Variants in GRM5 observed in about 807,000 individuals in gnomAD.
GRM5 encodes the protein metabotropic glutamate receptor 5.
Under a neutral mutation model 83.1 loss-of-function variants are expected in GRM5, and 19 were observed. That is an observed-to-expected ratio of 0.23 (90% CI 0.16 to 0.34). GRM5 has a LOEUF of 0.34. Among genes scored for constraint, GRM5 ranks in the 10% least tolerant of loss-of-function variants. GRM5 has a pLI of 1.00. For synonymous variants in GRM5, 675 were observed against 633.6 expected, an observed-to-expected ratio of 1.07 and a Z score of -0.98; for missense variants, 1,160 against 1,588.3, an observed-to-expected ratio of 0.73 and a Z score of 4.58.
At chr11:88,848,205 C>T (rs959233846) in intron 3 of GRM5, among the ~76,000 whole-genome samples, 1 of 152,148 alleles carries the variant, frequency 6.6e-6, no homozygotes, top group Non-Finnish European at 1.5e-5. Context: ...TACATCATTC[C>T]TGCCAACTAG....
chr11:88,900,521 C>A (rs970022396), intron 2 of GRM5, among the ~76,000 whole-genome samples: 5 of 152,034 alleles, frequency 3.3e-5, no homozygotes, highest in African/African-American at 1.2e-4. Flanking sequence ...TACCTAAAAG[C>A]ATGTTGGTTA....
chr11:88,874,711 A>G (rs952339656), intron 2 of GRM5, among the ~76,000 whole-genome samples: 31 of 152,044 alleles, frequency 2.0e-4, no homozygotes, highest in Admixed American at 1.9e-3. Flanking sequence ...GGTTAATATT[A>G]AGAATATATA....
At chr11:88,656,531 C>T (rs1364920111) in intron 3 of GRM5, among the ~76,000 whole-genome samples, 1 of 152,082 alleles carries the variant, frequency 6.6e-6, no homozygotes, top group Non-Finnish European at 1.5e-5. Flanking sequence ...AAAGGTGACT[C>T]TGCTTTCTTG....
intron 2 of GRM5, among the ~76,000 whole-genome samples, chr11:88,960,565 A>G (rs1405044805): frequency 6.6e-6 from 1 of 152,232 alleles, no homozygotes; most frequent in Non-Finnish European, 1.5e-5. Flanking sequence ...TAAAAGAATC[A>G]CATTAGATAG....
intron 4 of GRM5, among the ~76,000 whole-genome samples, chr11:88,626,066 T>A (rs1405454252): frequency 6.6e-6 from 1 of 152,266 alleles, no homozygotes; most frequent in East Asian, 1.9e-4. Flanking sequence ...TTCACAGACA[T>A]ACTTCTTGGC....
chr11:88,572,218 C>CA (rs1664823322), intron 7 of GRM5, among the ~76,000 whole-genome samples: 1 of 152,068 alleles, frequency 6.6e-6, no homozygotes, highest in Non-Finnish European at 1.5e-5. Context: ...AAATAAGAGA[C>CA]ATGGAAATAA....
At chr11:88,762,369 AC>A (rs1385547171) in intron 3 of GRM5, among the ~76,000 whole-genome samples, 1 of 151,990 alleles carries the variant, frequency 6.6e-6, no homozygotes, top group African/African-American at 2.4e-5. Flanking sequence ...TAAAATGTGG[AC>A]AAAGTACATG....
chr11:88,997,153 C>A (rs1462903136), intron 2 of GRM5, among the ~76,000 whole-genome samples: 1 of 151,504 alleles, frequency 6.6e-6, no homozygotes, highest in East Asian at 1.9e-4. Flanking sequence ...GGAGAAACCC[C>A]AGCTCTACTA....
chr11:88,578,703 T>G (rs555077968), intron 7 of GRM5, among the ~76,000 whole-genome samples: 4 of 152,146 alleles, frequency 2.6e-5, no homozygotes, highest in Non-Finnish European at 5.9e-5. Context: ...AGAAAATTAT[T>G]AAAAGTTAAT....
At chr11:88,625,447 A>G (rs141962958) in intron 4 of GRM5, among the ~76,000 whole-genome samples, 1,632 of 152,280 alleles carry the variant, frequency 0.011, 31 homozygotes, top group African/African-American at 0.036. Flanking sequence ...TTTCTAAGGA[A>G]AAATCCTTAG....
intron 2 of GRM5, among the ~76,000 whole-genome samples, chr11:88,888,291 A>T (rs1565278257): frequency 6.6e-6 from 1 of 152,194 alleles, no homozygotes; most frequent in South Asian, 2.1e-4. Flanking sequence ...AACTGCAGCT[A>T]AAACAGACAG....
At chr11:88,895,513 C>T (rs867350046) in intron 2 of GRM5, among the ~76,000 whole-genome samples, 40 of 151,846 alleles carry the variant, frequency 2.6e-4, no homozygotes, top group Admixed American at 1.4e-3. Flanking sequence ...GCACAATCAA[C>T]GATGAGTATT....
chr11:88,576,182 C>A (rs1469143769), intron 7 of GRM5, among the ~76,000 whole-genome samples: 1 of 152,150 alleles, frequency 6.6e-6, no homozygotes, highest in East Asian at 1.9e-4. Flanking sequence ...TTTCTCCAGT[C>A]CCTTTTTACT....
rs1212796713 is a variant in GRM5 at position 88,583,115 on chromosome 11, CAA to C, written c.1690+7484_1690+7485del. Among the ~76,000 whole-genome samples, 254 of 140,122 alleles carry C rather than the reference CAA, an allele frequency of 1.8e-3. 2 individuals are homozygous for C. Among genetic ancestry groups the C allele is most frequent in the African/African-American group, 5.9e-3 (239 of 40,576 alleles). 91.9% of individuals were successfully genotyped at this position (140,122 alleles called of 152,430 possible). ...TTTAATGTGCTTATTTATTAAAAGG[CAA>C]AAAAAAAAAAAGTCCCAAGAAAAGT... On this transcript the variant is annotated intron_variant, in intron 7 of 9. Coordinates refer to ENST00000305447, the MANE Select transcript of GRM5 (RefSeq NM_001143831.3).
intron 2 of GRM5, among the ~76,000 whole-genome samples, chr11:88,959,707 A>T (rs1938726777): frequency 6.6e-6 from 1 of 152,138 alleles, no homozygotes; most frequent in South Asian, 2.1e-4. Flanking sequence ...GAATGTTCAG[A>T]TATTGACCTT....
chr11:88,991,011 A>G (rs1038468260), intron 2 of GRM5, among the ~76,000 whole-genome samples: 1 of 152,208 alleles, frequency 6.6e-6, no homozygotes, highest in African/African-American at 2.4e-5. Flanking sequence ...AATTCTGGCC[A>G]GGGCAATTAG....
At chr11:88,825,083 C>T (rs996116112) in intron 3 of GRM5, among the ~76,000 whole-genome samples, 3 of 152,174 alleles carry the variant, frequency 2.0e-5, no homozygotes, top group Middle Eastern at 3.4e-3. Context: ...TTTCTTAGTG[C>T]CTTGGTCTGC....
At chr11:88,901,722 G>A (rs1411359301) in intron 2 of GRM5, among the ~76,000 whole-genome samples, 2 of 152,176 alleles carry the variant, frequency 1.3e-5, no homozygotes, top group Non-Finnish European at 2.9e-5. Context: ...CCTTTGAAAA[G>A]TGATCATTTG....
At chr11:88,999,457 C>T (rs914301138) in intron 2 of GRM5, among the ~76,000 whole-genome samples, 26 of 152,222 alleles carry the variant, frequency 1.7e-4, no homozygotes, top group African/African-American at 5.5e-4. Context: ...CAAAAGAAGA[C>T]ATTTATGCAG....
Sources: gnomAD v4.1 joint callset for allele counts (sites outside exome capture counted in the v4.1 genomes callset) on GRCh38, gnomAD v4.1.1 for gene constraint, MANE v1.5 for transcripts, NCBI Gene and HGNC (gene_info 2026-07-23, HGNC 2026-07-21) for gene names.